Variants in ADAMTSL1 observed in about 807,000 individuals in gnomAD.
The protein encoded by ADAMTSL1 is ADAMTS like 1.
ADAMTSL1 carries 126 observed loss-of-function variants against 201.8 expected under a neutral mutation model. The observed-to-expected ratio is 0.62, with a 90% CI of 0.54 to 0.72. The LOEUF (loss-of-function observed/expected upper bound fraction) is 0.72. Ranked by LOEUF, ADAMTSL1 falls within the 30% of genes least tolerant of loss-of-function variation. The pLI, the probability that ADAMTSL1 is intolerant of heterozygous loss-of-function variation, is 0.00. For synonymous variants in ADAMTSL1, 1,121 were observed against 903.4 expected (o/e 1.24, Z -4.32); for missense variants, 2,679 against 2,277.8 (o/e 1.18, Z -3.59).
intron 2 of ADAMTSL1, among the ~76,000 whole-genome samples, chr9:18,365,916 G>C (rs2133101612): frequency 6.6e-6 from 1 of 152,162 alleles, no homozygotes; most frequent in Non-Finnish European, 1.5e-5. Context: ...GAGGGAGCTG[G>C]GTTGTGTGCT....
chr9:18,760,072 T>G (rs1819981493), intron 16 of ADAMTSL1, among the ~76,000 whole-genome samples: 1 of 152,148 alleles, frequency 6.6e-6, no homozygotes, highest in African/African-American at 2.4e-5. Context: ...ACACCAAGCT[T>G]AATACATACC....
At chr9:18,191,136 A>C (rs1364196648) in intron 2 of ADAMTSL1, among the ~76,000 whole-genome samples, 1 of 152,126 alleles carries the variant, frequency 6.6e-6, no homozygotes, top group Non-Finnish European at 1.5e-5. Flanking sequence ...TTCAGACTGG[A>C]ATGCTTATGA....
chr9:18,830,521 A>G (rs1330353026), intron 23 of ADAMTSL1, among the ~76,000 whole-genome samples: 1 of 152,216 alleles, frequency 6.6e-6, no homozygotes, highest in Non-Finnish European at 1.5e-5. Flanking sequence ...TTCACTAAGT[A>G]CAACCTCCCT....
intron 2 of ADAMTSL1, among the ~76,000 whole-genome samples, chr9:18,276,951 C>T (rs138643894): frequency 6.6e-6 from 1 of 150,656 alleles, no homozygotes; most frequent in East Asian, 2.0e-4. Flanking sequence ...ATGCTGCATC[C>T]AGTTTTGTTG....
intron 3 of ADAMTSL1, among the ~76,000 whole-genome samples, chr9:18,550,496 G>T (rs1402532145): frequency 3.3e-5 from 5 of 151,870 alleles, no homozygotes; most frequent in African/African-American, 1.2e-4. Flanking sequence ...AGGAGCTAAT[G>T]GTCACCCCCA....
intron 19 of ADAMTSL1, among the ~76,000 whole-genome samples, chr9:18,792,807 T>C (rs932733476): frequency 1.3e-5 from 2 of 152,242 alleles, no homozygotes; most frequent in African/African-American, 2.4e-5. Flanking sequence ...GAAACAGTCA[T>C]ACTATGATCT....
intron 2 of ADAMTSL1, among the ~76,000 whole-genome samples, chr9:18,345,036 A>T (rs1250546932): frequency 1.3e-5 from 2 of 151,868 alleles, no homozygotes; most frequent in African/African-American, 4.8e-5. Context: ...GGTGACTCTG[A>T]CCTCCTTCTC....
chr9:18,871,778 T>A (rs935418794), intron 23 of ADAMTSL1, among the ~76,000 whole-genome samples: 8 of 152,198 alleles, frequency 5.3e-5, no homozygotes, highest in African/African-American at 1.9e-4. Context: ...GAGCTGCTTT[T>A]GCAAATATGT....
At chr9:18,501,020 T>A (rs1822804389) in intron 1 of ADAMTSL1, among the ~76,000 whole-genome samples, 1 of 152,192 alleles carries the variant, frequency 6.6e-6, no homozygotes, top group African/African-American at 2.4e-5. Flanking sequence ...CTGACGAAAA[T>A]CATTGAAAAA....
chr9:18,647,155 A>G (rs1420385134), intron 7 of ADAMTSL1, among the ~76,000 whole-genome samples: 1 of 151,786 alleles, frequency 6.6e-6, no homozygotes, highest in African/African-American at 2.4e-5. Context: ...TTTCTTCTAG[A>G]TTTTCTAGTT....
In ADAMTSL1 at chr9:18,761,018, C is replaced by A. The variant is rs546740942; in HGVS notation, c.2217+7510C>A. 7.2e-5 allele frequency among the ~76,000 whole-genome samples: 11 copies of A among 152,204 alleles called. No homozygotes were observed. In the South Asian group the frequency reaches 2.3e-3, roughly 32 times the overall value. ...GCTTAGTAACCATTTTTTATAAATC[C>A]CCAGCATCCAATACAGTGCCTAGCA... On this transcript the variant is annotated intron_variant, in intron 16 of 28. Transcript: ENST00000380548.
intron 1 of ADAMTSL1, among the ~76,000 whole-genome samples, chr9:18,098,249 C>G (rs1317617192): frequency 6.6e-6 from 1 of 151,946 alleles, no homozygotes; most frequent in Non-Finnish European, 1.5e-5. Context: ...TTTAACTTAT[C>G]CAACTTTGTT....
At chr9:18,370,643 G>C (rs1281282518) in intron 2 of ADAMTSL1, among the ~76,000 whole-genome samples, 9 of 149,472 alleles carry the variant, frequency 6.0e-5, no homozygotes, top group Admixed American at 6.0e-4. Flanking sequence ...GTCCCCTTTT[G>C]GGTTGTGTGT....
At chr9:18,328,634 C>G (rs1456023829) in intron 2 of ADAMTSL1, among the ~76,000 whole-genome samples, 2 of 152,192 alleles carry the variant, frequency 1.3e-5, no homozygotes, top group African/African-American at 4.8e-5. Context: ...AAGATCATGC[C>G]TTAATCCATA....
At chr9:17,930,765 A>G (rs761589424) in intron 1 of ADAMTSL1, among the ~76,000 whole-genome samples, 16 of 152,150 alleles carry the variant, frequency 1.1e-4, no homozygotes, top group Non-Finnish European at 1.9e-4. Flanking sequence ...GATATGGTGG[A>G]GTGGGGTTGA....
chr9:18,703,735 T>TATATATATATATATATATA (rs60548312), intron 13 of ADAMTSL1, among the ~76,000 whole-genome samples: 7 of 138,508 alleles, frequency 5.1e-5, no homozygotes, highest in East Asian at 2.2e-4. Context: ...TATATATATA[T>TATATATATATATATATATA]GTTTTAATTG....
chr9:18,322,491 A>C (rs571069656), intron 2 of ADAMTSL1, among the ~76,000 whole-genome samples: 79 of 152,014 alleles, frequency 5.2e-4, no homozygotes, highest in African/African-American at 1.6e-3. Flanking sequence ...AAATTAGCCA[A>C]ACGTGGTGGT....
At chr9:18,907,001 G>A (rs762984573) in intron 28 of ADAMTSL1, 89 bp downstream of exon 28, 2 of 1,459,076 alleles carry the variant, frequency 1.4e-6, no homozygotes, top group East Asian at 2.3e-5. Flanking sequence ...CTGAGCATAG[G>A]GCATGGGGTC....
chr9:18,304,352 A>T (rs1011876009), intron 2 of ADAMTSL1, among the ~76,000 whole-genome samples: 1 of 152,006 alleles, frequency 6.6e-6, no homozygotes, highest in Non-Finnish European at 1.5e-5. Context: ...AAAAAAAAAT[A>T]CTTTTTATAA....
Sources: gnomAD v4.1 joint callset for allele counts (sites outside exome capture counted in the v4.1 genomes callset) on GRCh38, gnomAD v4.1.1 for gene constraint, MANE v1.5 for transcripts, NCBI Gene and HGNC (gene_info 2026-07-23, HGNC 2026-07-21) for gene names.